The following ABHD12 variants were observed in gnomAD, a reference collection of about 807,000 sequenced individuals.
ABHD12 encodes the protein lysophosphatidylserine lipase ABHD12.
A neutral mutation model predicts 58.3 loss-of-function variants in ABHD12; 43 were observed. The observed-to-expected ratio is 0.74, with a 90% CI of 0.58 to 0.95. ABHD12 has a LOEUF of 0.95. ABHD12 is among the 40% of genes least tolerant of loss of function. The pLI, the probability that ABHD12 is intolerant of heterozygous loss-of-function variation, is 0.00. For missense variants in ABHD12, 539 were observed against 537.2 expected (o/e 1.00, Z -0.03); for synonymous variants, 219 against 211.2 (o/e 1.04, Z -0.32).
At chr20:25,347,854 A>G (rs1000707928) in intron 1 of ABHD12, among the ~76,000 whole-genome samples, 21 of 151,752 alleles carry the variant, frequency 1.4e-4, no homozygotes, top group Non-Finnish European at 4.4e-5. Context: ...AAAAATAAAA[A>G]TGTTTTCATG....
intron 1 of ABHD12, among the ~76,000 whole-genome samples, chr20:25,389,347 T>C (rs1007262926): frequency 1.3e-5 from 2 of 152,210 alleles, no homozygotes; most frequent in African/African-American, 4.8e-5. Context: ...GTCTATAGTT[T>C]AATTTCATGA....
At chr20:25,308,528 T>C in intron 7 of ABHD12, 34 bp from the exon 8 acceptor site, 3 of 1,592,974 alleles carry the variant, frequency 1.9e-6, no homozygotes, top group Non-Finnish European at 2.6e-6. Context: ...AGTTGAGTTA[T>C]GATAAAATTG....
chr20:25,350,360 T>G (rs945005836), intron 1 of ABHD12, among the ~76,000 whole-genome samples: 2 of 152,226 alleles, frequency 1.3e-5, no homozygotes, highest in African/African-American at 4.8e-5. Flanking sequence ...TGAATTGTAA[T>G]GATCCCCATG....
chr20:25,345,768 C>T (rs1397675614), intron 1 of ABHD12, among the ~76,000 whole-genome samples: 1 of 152,052 alleles, frequency 6.6e-6, no homozygotes, highest in Non-Finnish European at 1.5e-5. Flanking sequence ...GGCCAAAATG[C>T]AAAACACTGA....
rs1472128653 is a variant in ABHD12, at chr20:25,302,305, G to A, written c.1071C>T (p.Phe357=). The change falls in exon 12 of 13, where the codon TTC becomes TTT. Residue 357 remains phenylalanine (F), a synonymous_variant. Coordinates refer to ENST00000339157, the MANE Select transcript of ABHD12 (RefSeq NM_001042472.3). Reference sequence around the variant, plus strand: ...AATGAAAGGGCACAAACTGAACTTTGAAATCTCGGAAGCTTCGAGCTGGTG... The same window carrying A: ...AATGAAAGGGCACAAACTGAACTTTAAAATCTCGGAAGCTTCGAGCTGGTG... ...IAAPARSFRD[F]KVQFVPFHSD... is the part of the protein sequence containing the mutation. 4.3e-6 allele frequency: 7 copies of A among 1,613,724 alleles called. No individual in the cohort carries two copies. The highest frequency in any genetic ancestry group is 1.7e-5 in the Admixed American group (1 of 60,008).
chr20:25,301,488 G>A (rs2088634587), intron 12 of ABHD12, among the ~76,000 whole-genome samples: 1 of 152,204 alleles, frequency 6.6e-6, no homozygotes, highest in Non-Finnish European at 1.5e-5. Context: ...CAGTGCTTAG[G>A]GTCGAAGTAC....
At chr20:25,375,789 A>T (rs2089955050) in intron 1 of ABHD12, among the ~76,000 whole-genome samples, 1 of 152,106 alleles carries the variant, frequency 6.6e-6, no homozygotes, top group African/African-American at 2.4e-5. Flanking sequence ...AAATTCAGCC[A>T]CCTTGGTCAG....
intron 1 of ABHD12, among the ~76,000 whole-genome samples, chr20:25,378,156 AG>A (rs1374403340): frequency 2.6e-5 from 4 of 152,246 alleles, no homozygotes; most frequent in Non-Finnish European, 5.9e-5. Flanking sequence ...AGAGCAACAC[AG>A]GAGTCTTTAA....
intron 2 of ABHD12, among the ~76,000 whole-genome samples, chr20:25,330,110 C>T (rs2089244649): frequency 6.6e-6 from 1 of 152,198 alleles, no homozygotes; most frequent in Admixed American, 6.5e-5. Context: ...GTACGCGCAC[C>T]GTGCGCAAGC....
At chr20:25,322,381 A>ATATATTT in intron 3 of ABHD12, among the ~76,000 whole-genome samples, 20 of 59,270 alleles carry the variant, frequency 3.4e-4, no homozygotes, top group African/African-American at 1.7e-3. Context: ...ATATATATAT[A>ATATATTT]TTTTTTTTTT....
chr20:25,315,608 C>G (rs1227792039), intron 5 of ABHD12, among the ~76,000 whole-genome samples: 2 of 151,966 alleles, frequency 1.3e-5, no homozygotes, highest in Non-Finnish European at 2.9e-5. Context: ...GGGTGCTTCC[C>G]CAGGGCAGCC....
intron 1 of ABHD12, among the ~76,000 whole-genome samples, chr20:25,387,912 G>C (rs1244581412): frequency 6.6e-6 from 1 of 151,658 alleles, no homozygotes; most frequent in African/African-American, 2.4e-5. Flanking sequence ...ACGGTGACGG[G>C]CGCCTGTAAT....
Position 25,324,230 on chromosome 20 carries a change from G to A in ABHD12, c.317-800C>T, listed in dbSNP as rs977380509. Among the ~76,000 whole-genome samples, 13 of 152,138 alleles carry A rather than the reference G, an allele frequency of 8.5e-5. No homozygotes were observed. The South Asian group carries it at 1.7e-3, about 19-fold the overall frequency. On this transcript the variant is annotated intron_variant, in intron 2 of 12. Coordinates refer to ENST00000339157, the MANE Select transcript of ABHD12 (RefSeq NM_001042472.3). ...GCAAGGTGACTGTGGGTGCGGGTGC[G>A]GTAGCCCCACTTTGTTATTGTAAAA...
In ABHD12 at chr20:25,300,559, T is replaced by C; in HGVS notation, c.*286A>G. ...CAGTGCAGCATCAAGCAGGCAGTGA[T>C]GGCTGCCTGCTGCCATTAAGTCTCC... On this transcript the variant is annotated 3_prime_UTR_variant, in exon 13 of 13. Transcript: ENST00000339157. 1 of 1,401,856 alleles carries C rather than the reference T, an allele frequency of 7.1e-7. No homozygotes were observed. Among genetic ancestry groups the C allele is most frequent in the Non-Finnish European group, 9.3e-7 (1 of 1,079,388 alleles). 86.8% of individuals were successfully genotyped at this position (1,401,856 alleles called of 1,614,324 possible). A position where few individuals can be genotyped will look rare whatever the true frequency, so the allele number is the denominator to read the frequency against.
intron 12 of ABHD12, among the ~76,000 whole-genome samples, chr20:25,301,633 C>T (rs1294878930): frequency 1.3e-5 from 2 of 152,258 alleles, no homozygotes; most frequent in Non-Finnish European, 2.9e-5. Context: ...TGGGCAGCAA[C>T]CTGCATAGGG....
chr20:25,319,948 G>A (rs1247288482), intron 4 of ABHD12, among the ~76,000 whole-genome samples: 4 of 152,220 alleles, frequency 2.6e-5, no homozygotes, highest in Non-Finnish European at 5.9e-5. Flanking sequence ...GAACACAGCC[G>A]TGCTGGCCTC....
chr20:25,353,208 T>C (rs934303409), intron 1 of ABHD12, among the ~76,000 whole-genome samples: 4 of 151,752 alleles, frequency 2.6e-5, no homozygotes, highest in African/African-American at 9.7e-5. Flanking sequence ...CATATAATGC[T>C]TTTTCCAAAT....
In ABHD12 at chr20:25,335,264, T is replaced by C. The variant is rs1191078967; in HGVS notation, c.316+3963A>G. On this transcript the variant is annotated intron_variant, in intron 2 of 12. Transcript: ENST00000339157. ...AATCAAAACCACAATGAGATACCAT[T>C]TCACACCAGTTAGAATGGCAATCAT... Among the ~76,000 whole-genome samples, 58 of 152,104 alleles carry C rather than the reference T, an allele frequency of 3.8e-4. No homozygotes were observed. In the East Asian group the frequency reaches 5.0e-3, roughly 13 times the overall value.
At position 25,390,732 on chromosome 20, in the gene ABHD12, G is replaced by A. The variant is rs1239169391; in HGVS notation, c.-29C>T. On this transcript the variant is annotated 5_prime_UTR_variant, in exon 1 of 13. Transcript: ENST00000339157. ...GCGGCCGACAGGGCCAGCCGCCGAC[G>A]GCGCCCGCTGGCCTGCGCCGCAGTG... 1.9e-5 allele frequency: 21 copies of A among 1,122,470 alleles called. No individual in the cohort carries two copies. The East Asian group carries it at 6.9e-4, about 37-fold the overall frequency. The allele number at this position is 1,122,470 out of a possible 1,614,324, so 69.5% of individuals were successfully genotyped here.
Sources: allele counts gnomAD v4.1 joint callset (sites outside exome capture counted in the v4.1 genomes callset), GRCh38; gene constraint gnomAD v4.1.1; transcripts MANE v1.5; gene names NCBI Gene and HGNC (gene_info 2026-07-23, HGNC 2026-07-21).